The following SMC4 variants were observed in gnomAD, a reference collection of about 807,000 sequenced individuals.
SMC4 encodes the protein structural maintenance of chromosomes protein 4.
In SMC4, 87 loss-of-function variants were observed where a neutral mutation model predicts 145.6. That is an observed-to-expected ratio of 0.60 (90% confidence interval 0.50 to 0.71). The LOEUF is 0.71. Ranked by LOEUF, SMC4 falls within the 30% of genes least tolerant of loss-of-function variation. The pLI is 0.00. For missense variants in SMC4, 1,447 were observed against 1,537.1 expected (o/e 0.94, Z 0.98); for synonymous variants, 558 against 500.7 (o/e 1.11, Z -1.53).
At chr3:160,403,510 A>G (rs1297936325) in intron 4 of SMC4, among the ~76,000 whole-genome samples, 1 of 152,140 alleles carries the variant, frequency 6.6e-6, no homozygotes, top group Non-Finnish European at 1.5e-5. Context: ...AAATATAGAA[A>G]ACTAATTACA....
chr3:160,410,820 TTAGGAAA>T (rs1715908144), intron 5 of SMC4, among the ~76,000 whole-genome samples: 1 of 152,200 alleles, frequency 6.6e-6, no homozygotes. Flanking sequence ...CTGTATTCAC[TTAGGAAA>T]TAGGAATCAC....
intron 5 of SMC4, among the ~76,000 whole-genome samples, chr3:160,405,584 C>A (rs1051980599): frequency 1.3e-5 from 2 of 151,978 alleles, no homozygotes; most frequent in Admixed American, 1.3e-4. Flanking sequence ...TTTAGACATT[C>A]ATAGTATACA....
chr3:160,418,930 C>A (rs553203229), intron 11 of SMC4, among the ~76,000 whole-genome samples: 1 of 152,122 alleles, frequency 6.6e-6, no homozygotes. Context: ...CCAGTACCCC[C>A]CAGCCCCGTT....
In SMC4 at chr3:160,404,491, T is replaced by G. The variant is rs1416542257; in HGVS notation, c.674T>G (p.Phe225Cys). The G allele has an allele frequency of 6.2e-7, 1 of 1,602,516 alleles. No individual in the cohort carries two copies. Among genetic ancestry groups the G allele is most frequent in the Admixed American group, 1.8e-5 (1 of 56,508 alleles). The change falls in exon 5 of 24, where the codon TTT becomes TGT. Residue 225 changes from phenylalanine to cysteine, a missense_variant. Physicochemically the swap from Phe to Cys is radical, Grantham distance 205. Transcript: ENST00000357388. ...SHGIDLDHNR[F>C]LILQGEVEQI... Reference sequence around the variant, plus strand: ...GGAATTGACTTGGACCATAATAGATTTTTAATTTTACAGGTAAGTTTATTA... The same window carrying G: ...GGAATTGACTTGGACCATAATAGATGTTTAATTTTACAGGTAAGTTTATTA...
In SMC4 at chr3:160,434,374, A is replaced by T. The variant is rs1423084910; in HGVS notation, c.*565A>T. 1 of 152,260 alleles carries T rather than the reference A, an allele frequency of 6.6e-6. No individual in the cohort carries two copies. Among genetic ancestry groups the T allele is most frequent in the Non-Finnish European group, 1.5e-5 (1 of 68,104 alleles). 9.4% of individuals were successfully genotyped at this position (152,260 alleles called of 1,614,324 possible). A position where few individuals can be genotyped will look rare whatever the true frequency, so the allele number is the denominator to read the frequency against. ...ATTACCAGAGAGCCAGTAAATTAGG[A>T]CAGTGTTTCAACAAGCCTAGGCTAT... On this transcript the variant is annotated 3_prime_UTR_variant, in exon 24 of 24. Coordinates refer to ENST00000357388, the MANE Select transcript of SMC4 (RefSeq NM_001002800.3).
intron 8 of SMC4, chr3:160,414,133 G>T (rs1159677215): frequency 1.9e-6 from 1 of 529,520 alleles, no homozygotes; most frequent in Non-Finnish European, 3.6e-6. Flanking sequence ...GTAGTCACTG[G>T]AAAATGTGTT....
chr3:160,402,073 A>C lies in SMC4; in HGVS notation c.298A>C (p.Ile100Leu), dbSNP rs758628739. 6 of 1,547,362 alleles carry C rather than the reference A, an allele frequency of 3.9e-6. No homozygotes were observed. The highest frequency in any genetic ancestry group is 5.2e-6 in the Non-Finnish European group (6 of 1,156,316). Residue 100 changes from isoleucine (I) to leucine (L), a missense_variant, in exon 3 of 24, where the codon ATT (isoleucine) becomes CTT (leucine). Transcript: ENST00000357388. Reference protein sequence around the residue: ...QNFKSYAGEKILGPFHKRFSC... With the variant: ...QNFKSYAGEKLLGPFHKRFSC... ...CTTCAAATCCTATGCTGGGGAGAAAATTCTGGGACCTTTCCATAAGGTATT... is the reference window on the plus strand; with the variant it reads ...CTTCAAATCCTATGCTGGGGAGAAACTTCTGGGACCTTTCCATAAGGTATT...
intron 8 of SMC4, 126 bp downstream of exon 8, chr3:160,413,739 C>G: frequency 1.7e-6 from 1 of 578,746 alleles, no homozygotes; most frequent in South Asian, 2.8e-5. Context: ...TGGTGGCCCC[C>G]TTAGTGAAAA....
At chr3:160,429,615 G>C (rs927146376) in intron 18 of SMC4, among the ~76,000 whole-genome samples, 4 of 151,512 alleles carry the variant, frequency 2.6e-5, no homozygotes, top group African/African-American at 9.7e-5. Flanking sequence ...CCAAAAGACT[G>C]AGATTACAGG....
intron 2 of SMC4, 44 bp from the exon 3 acceptor site, chr3:160,401,871 C>A (rs567104457): frequency 6.6e-7 from 1 of 1,507,502 alleles, no homozygotes; most frequent in Non-Finnish European, 9.0e-7. Context: ...GTAGGCTTTT[C>A]CCCCGCCGTT....
In SMC4 at chr3:160,434,924, G is replaced by T. The variant is rs1246213371; in HGVS notation, c.*1115G>T. ...AAAATGTAAACACATTATTAGCATG[G>T]ACTTTTAAATAAAGATTTAAAGAAA... is the stretch of plus-strand genomic sequence containing the variant. On this transcript the variant is annotated 3_prime_UTR_variant, in exon 24 of 24. Transcript: ENST00000357388. The T allele has an allele frequency of 6.6e-6, 1 of 152,014 alleles. No individual in the cohort carries two copies. The highest frequency in any genetic ancestry group is 6.6e-5 in the Admixed American group (1 of 15,242). The allele number at this position is 152,014 out of a possible 1,614,324, so 9.4% of individuals were successfully genotyped here.
chr3:160,412,534 A>G lies in SMC4; in HGVS notation c.980+81A>G, dbSNP rs188703954. ...AAAGCCCTTCTCTTTTCCTAGAGAA[A>G]CATGAAGACTGAAGTGAAAAAAAAT... On this transcript the variant is annotated intron_variant, in intron 7 of 23. Coordinates refer to ENST00000357388, the MANE Select transcript of SMC4 (RefSeq NM_001002800.3). The G allele has an allele frequency of 8.3e-4, 1,207 of 1,457,962 alleles. 13 individuals carry two copies. In the African/African-American group the frequency reaches 0.016, roughly 19 times the overall value. The allele number at this position is 1,457,962 out of a possible 1,614,324, so 90.3% of individuals were successfully genotyped here. A position where few individuals can be genotyped will look rare whatever the true frequency, so the allele number is the denominator to read the frequency against.
Position 160,431,736 on chromosome 3 carries a change from G to C in SMC4, c.3208G>C (p.Asp1070His). The part of the protein sequence containing the change: ...PEDLEAIKNP[D>H]SITNQIALLE... ...GGATCTTGAAGCGATCAAGAATCCA[G>C]ATTCTATAACAAATCAAATTGCACT... Residue 1070 changes from aspartate (D) to histidine (H), a missense_variant, in exon 21 of 24, where the codon GAT becomes CAT. Physicochemically the swap from Asp to His is moderately conservative, Grantham distance 81. Coordinates refer to ENST00000357388, the MANE Select transcript of SMC4 (RefSeq NM_001002800.3). 6.2e-7 allele frequency: 1 copy of C among 1,614,006 alleles called. No individual in the cohort carries two copies. The highest frequency in any genetic ancestry group is 8.5e-7 in the Non-Finnish European group (1 of 1,179,994).
chr3:160,402,214 G>A, intron 3 of SMC4, 121 bp downstream of exon 3: 1 of 574,022 alleles, frequency 1.7e-6, no homozygotes, highest in Non-Finnish European at 2.9e-6. Flanking sequence ...TATTTATCCT[G>A]ATAGTCTTTC....
Position 160,423,441 on chromosome 3 carries a change from A to C in SMC4, c.2036A>C (p.Lys679Thr). The C allele has an allele frequency of 1.9e-6, 3 of 1,603,094 alleles. No homozygotes were observed. Among genetic ancestry groups the C allele is most frequent in the Non-Finnish European group, 8.5e-7 (1 of 1,172,760 alleles). The change falls in exon 14 of 24, where the codon AAA (lysine) becomes ACA (threonine). Residue 679 changes from lysine (K) to threonine (T), a missense_variant. Physicochemically the swap from Lys to Thr is moderately conservative, Grantham distance 78. Transcript: ENST00000357388. The stretch of plus-strand genomic sequence containing the variant: ...TACTTTTAGATGGCTGTATGGGCGA[A>C]AAAGATGACCGAAATTCAAACTCCT... ...IGLDKMAVWA[K>T]KMTEIQTPEN... is the part of the protein sequence containing the mutation.
In SMC4 at chr3:160,431,105, A is replaced by G; in HGVS notation, c.3014A>G (p.His1005Arg). 2 of 1,608,736 alleles carry G rather than the reference A, an allele frequency of 1.2e-6. No individual in the cohort carries two copies. Among genetic ancestry groups the G allele is most frequent in the Middle Eastern group, 1.7e-4 (1 of 5,984 alleles). ...TTAAAAGTTATTCAAGAAAATGAAC[A>G]TGCTCTTCAAAAAGATGCACTTAGT... is the stretch of plus-strand genomic sequence containing the variant. ...QELKVIQENEHALQKDALSIK... is the reference protein window; with the variant it reads ...QELKVIQENERALQKDALSIK... Residue 1005 changes from histidine to arginine, a missense_variant, in exon 20 of 24, where the codon CAT becomes CGT. By Grantham distance (29) the His-to-Arg change is conservative. Coordinates refer to ENST00000357388, the MANE Select transcript of SMC4 (RefSeq NM_001002800.3).
chr3:160,429,342 A>C (rs192079094), intron 18 of SMC4, among the ~76,000 whole-genome samples: 1 of 152,090 alleles, frequency 6.6e-6, no homozygotes, highest in African/African-American at 2.4e-5. Flanking sequence ...CTTACATTTT[A>C]GTTTTTATTT....
intron 12 of SMC4, among the ~76,000 whole-genome samples, chr3:160,420,303 C>G (rs1267234503): frequency 6.6e-6 from 1 of 152,200 alleles, no homozygotes; most frequent in Non-Finnish European, 1.5e-5. Flanking sequence ...TGTATCGGGA[C>G]TTCCACCTTA....
At chr3:160,400,046 C>G (rs76075672) in intron 1 of SMC4, 1 of 152,428 alleles carries the variant, frequency 6.6e-6, no homozygotes, top group East Asian at 1.9e-4. Flanking sequence ...GGGCGTCTCC[C>G]CCTACCCCTC....
Sources: allele counts gnomAD v4.1 joint callset (sites outside exome capture counted in the v4.1 genomes callset), GRCh38; gene constraint gnomAD v4.1.1; transcripts MANE v1.5; gene names NCBI Gene and HGNC (gene_info 2026-07-23, HGNC 2026-07-21).